LRP1B: variants seen among roughly 807,000 people sequenced by gnomAD.
LRP1B encodes low-density lipoprotein receptor-related protein 1B.
Under a neutral mutation model 556.6 loss-of-function variants are expected in LRP1B, and 217 were observed. The ratio of observed to expected loss-of-function variants is 0.39; its 90% CI spans 0.35 to 0.44. The LOEUF (loss-of-function observed/expected upper bound fraction) is 0.44, where lower values mean the gene tolerates loss of function less well. LRP1B is among the 20% of genes least tolerant of loss of function. The pLI is 1.00. For missense variants in LRP1B, 5,053 were observed against 5,620.8 expected (o/e 0.90, Z 3.23); for synonymous variants, 2,047 against 1,865.8 (o/e 1.10, Z -2.50).
intron 74 of LRP1B, among the ~76,000 whole-genome samples, chr2:140,357,334 G>GT (rs1396458961): frequency 2.0e-5 from 3 of 151,238 alleles, no homozygotes; most frequent in Non-Finnish European, 3.0e-5. Context: ...ATCCTGGTGG[G>GT]TATTGCTTCA....
At chr2:142,021,522 T>A (rs976674480) in intron 1 of LRP1B, among the ~76,000 whole-genome samples, 11 of 152,144 alleles carry the variant, frequency 7.2e-5, no homozygotes, top group African/African-American at 2.7e-4. Context: ...ATTTTGTGAA[T>A]ATCACAGAAG....
intron 1 of LRP1B, among the ~76,000 whole-genome samples, chr2:142,003,564 T>C (rs548236635): frequency 1.3e-5 from 2 of 152,316 alleles, no homozygotes; most frequent in East Asian, 1.9e-4. Flanking sequence ...TTCAGCAGAA[T>C]GAGCAGGACC....
intron 3 of LRP1B, among the ~76,000 whole-genome samples, chr2:141,257,703 A>G (rs938140158): frequency 3.9e-5 from 6 of 152,200 alleles, no homozygotes; most frequent in Non-Finnish European, 8.8e-5. Context: ...GTGCAGAGTG[A>G]TGACACGAGA....
chr2:140,673,654 A>G (rs759876259), intron 41 of LRP1B, among the ~76,000 whole-genome samples: 2 of 152,170 alleles, frequency 1.3e-5, no homozygotes, highest in Non-Finnish European at 1.5e-5. Flanking sequence ...ATTTTTAGGT[A>G]TCTGTGCAAA....
chr2:141,517,080 A>C (rs531214665), intron 2 of LRP1B, among the ~76,000 whole-genome samples: 4 of 151,166 alleles, frequency 2.6e-5, no homozygotes, highest in African/African-American at 9.7e-5. Context: ...GTAGAAGTCA[A>C]ATTCTCTTTC....
intron 81 of LRP1B, among the ~76,000 whole-genome samples, chr2:140,323,422 G>C (rs1364507303): frequency 6.6e-6 from 1 of 151,850 alleles, no homozygotes; most frequent in Non-Finnish European, 1.5e-5. Flanking sequence ...TTAGTGGTAA[G>C]AGTCAAAATG....
intron 1 of LRP1B, among the ~76,000 whole-genome samples, chr2:142,007,093 T>C (rs775992133): frequency 2.0e-5 from 3 of 152,172 alleles, no homozygotes; most frequent in Non-Finnish European, 2.9e-5. Context: ...GATTTCACAT[T>C]TCTCTAAAAT....
chr2:141,996,247 C>T (rs983586506), intron 1 of LRP1B, among the ~76,000 whole-genome samples: 2 of 150,420 alleles, frequency 1.3e-5, no homozygotes, highest in African/African-American at 4.9e-5. Flanking sequence ...GTGATTGTTA[C>T]TTTAAAATAG....
intron 2 of LRP1B, among the ~76,000 whole-genome samples, chr2:141,746,071 G>C (rs1409538906): frequency 6.6e-6 from 1 of 152,072 alleles, no homozygotes; most frequent in Non-Finnish European, 1.5e-5. Flanking sequence ...GAGGAAGGAA[G>C]GGTCTCTTTT....
chr2:142,075,200 A>G (rs1310980609), intron 1 of LRP1B, among the ~76,000 whole-genome samples: 1 of 152,284 alleles, frequency 6.6e-6, no homozygotes, highest in East Asian at 1.9e-4. Flanking sequence ...TATTGAGCAT[A>G]GATAATAGGA....
intron 2 of LRP1B, among the ~76,000 whole-genome samples, chr2:141,495,551 A>G (rs946568772): frequency 2.0e-5 from 3 of 152,154 alleles, no homozygotes; most frequent in Non-Finnish European, 4.4e-5. Flanking sequence ...TATGCAAATA[A>G]AAATTCCAAA....
intron 1 of LRP1B, among the ~76,000 whole-genome samples, chr2:142,055,482 T>A (rs1704635534): frequency 6.6e-6 from 1 of 152,146 alleles, no homozygotes; most frequent in African/African-American, 2.4e-5. Flanking sequence ...CAGGAGCCCT[T>A]TGAGTTGTAA....
intron 41 of LRP1B, among the ~76,000 whole-genome samples, chr2:140,691,846 G>T (rs190190263): frequency 1.2e-4 from 18 of 152,208 alleles, no homozygotes; most frequent in African/African-American, 4.3e-4. Context: ...TTTATTAAAT[G>T]TTTTAGATGT....
At chr2:141,081,884 C>A (rs903173968) in intron 7 of LRP1B, among the ~76,000 whole-genome samples, 5 of 151,996 alleles carry the variant, frequency 3.3e-5, no homozygotes, top group African/African-American at 1.2e-4. Flanking sequence ...CCAGACAATA[C>A]CTATAAACTG....
At chr2:141,618,716 G>A (rs952945926) in intron 2 of LRP1B, among the ~76,000 whole-genome samples, 2 of 152,126 alleles carry the variant, frequency 1.3e-5, no homozygotes, top group African/African-American at 4.8e-5. Flanking sequence ...ATATGTTTTG[G>A]TGTGTTGAGC....
chr2:140,451,703 A>G (rs1192094874), intron 62 of LRP1B, among the ~76,000 whole-genome samples: 1 of 152,152 alleles, frequency 6.6e-6, no homozygotes. Flanking sequence ...TAGTAAATAC[A>G]CATGATCTTT....
intron 2 of LRP1B, among the ~76,000 whole-genome samples, chr2:141,706,247 G>A (rs962367264): frequency 1.3e-5 from 2 of 152,018 alleles, no homozygotes; most frequent in South Asian, 2.1e-4. Flanking sequence ...ACTTTCAAGT[G>A]TTTATGACCT....
intron 1 of LRP1B, among the ~76,000 whole-genome samples, chr2:141,997,687 TTCTC>T (rs879467240): frequency 4.0e-5 from 6 of 150,640 alleles, no homozygotes; most frequent in Non-Finnish European, 7.4e-5. Context: ...TGCTTTTTTT[TTCTC>T]TCTTAGGATC....
intron 3 of LRP1B, among the ~76,000 whole-genome samples, chr2:141,305,028 C>T (rs1306453240): frequency 6.6e-6 from 1 of 152,142 alleles, no homozygotes; most frequent in Non-Finnish European, 1.5e-5. Context: ...GTGATGCCTA[C>T]ATTTTTGTTC....
Sources: gnomAD v4.1 joint callset for allele counts (sites outside exome capture counted in the v4.1 genomes callset) on GRCh38, gnomAD v4.1.1 for gene constraint, MANE v1.5 for transcripts, NCBI Gene and HGNC (gene_info 2026-07-23, HGNC 2026-07-21) for gene names.